Variants in BLTP1 observed in about 807,000 individuals in gnomAD.
The protein encoded by BLTP1 is fragile site-associated protein.
the BLTP1 span, chr4:122,347,397 A>G: frequency 7.4e-7 from 1 of 1,349,812 alleles, no homozygotes; most frequent in South Asian, 1.5e-5. Context: ...TACAGCTGCT[A>G]AATAGAGAAC....
At chr4:122,362,256 T>G in the BLTP1 span, 1 of 1,606,224 alleles carries the variant, frequency 6.2e-7, no homozygotes, top group Non-Finnish European at 8.5e-7. Context: ...AAAAAAGTAA[T>G]TTGATCTGTG....
the BLTP1 span, among the ~76,000 whole-genome samples, chr4:122,278,461 T>C: frequency 2.6e-5 from 4 of 152,338 alleles, no homozygotes; most frequent in Admixed American, 2.6e-4. Flanking sequence ...ACAAGAGGAA[T>C]GAGCGAGAGC....
At chr4:122,220,979 G>C in the BLTP1 span, 2 of 482,424 alleles carry the variant, frequency 4.1e-6, no homozygotes, top group African/African-American at 4.2e-5. Context: ...ATTTGAAAAT[G>C]TATTACATTT....
chr4:122,179,754 A>C, the BLTP1 span: 60 of 747,244 alleles, frequency 8.0e-5, no homozygotes, highest in African/African-American at 1.1e-3. Context: ...ACATTTTCAA[A>C]GATGAGCACA....
the BLTP1 span, among the ~76,000 whole-genome samples, chr4:122,177,731 C>T: frequency 6.6e-6 from 1 of 152,066 alleles, no homozygotes; most frequent in Non-Finnish European, 1.5e-5. Context: ...GTATTCATTC[C>T]CTTATTTGCT....
the BLTP1 span, chr4:122,203,791 A>G: frequency 1.9e-6 from 1 of 516,714 alleles, no homozygotes; most frequent in Non-Finnish European, 2.5e-6. Flanking sequence ...ATTAAAGAAA[A>G]AAACTAACAC....
At chr4:122,174,498 G>T in the BLTP1 span, 86 of 1,570,678 alleles carry the variant, frequency 5.5e-5, no homozygotes, top group Non-Finnish European at 7.3e-5. Context: ...TAGTGCTAAT[G>T]TTATTTTAAA....
the BLTP1 span, chr4:122,210,848 C>T: frequency 5.6e-6 from 9 of 1,597,844 alleles, no homozygotes; most frequent in African/African-American, 1.1e-4. Context: ...TGTCCCCCAC[C>T]CCTCAAACAT....
At chr4:122,296,311 T>A in the BLTP1 span, among the ~76,000 whole-genome samples, 1 of 152,134 alleles carries the variant, frequency 6.6e-6, no homozygotes, top group East Asian at 1.9e-4. Flanking sequence ...TGAACTCCCA[T>A]TCACAATCAC....
At chr4:122,274,946 C>T in the BLTP1 span, among the ~76,000 whole-genome samples, 2 of 152,056 alleles carry the variant, frequency 1.3e-5, no homozygotes, top group Admixed American at 1.3e-4. Flanking sequence ...ATTAATGGGC[C>T]ATAGCTTTCT....
the BLTP1 span, among the ~76,000 whole-genome samples, chr4:122,165,193 G>T: frequency 2.0e-5 from 3 of 151,794 alleles, no homozygotes; most frequent in Non-Finnish European, 4.4e-5. Flanking sequence ...TTAACATTAG[G>T]TATATCTCCT....
At chr4:122,277,383 C>T in the BLTP1 span, 1 of 887,118 alleles carries the variant, frequency 1.1e-6, no homozygotes, top group East Asian at 1.2e-4. Flanking sequence ...GTGTCAAACA[C>T]TACTTCATTA....
the BLTP1 span, among the ~76,000 whole-genome samples, chr4:122,324,742 C>CT: frequency 6.6e-6 from 1 of 151,964 alleles, no homozygotes; most frequent in Admixed American, 6.6e-5. Flanking sequence ...GCGGTAAGTG[C>CT]TTTTTAGTAA....
chr4:122,194,128 C>T, the BLTP1 span, among the ~76,000 whole-genome samples: 1 of 152,192 alleles, frequency 6.6e-6, no homozygotes, highest in Non-Finnish European at 1.5e-5. Flanking sequence ...TCTCAAAGTG[C>T]TGGGATTACA....
At chr4:122,210,958 T>C in the BLTP1 span, 1 of 1,613,584 alleles carries the variant, frequency 6.2e-7, no homozygotes, top group South Asian at 1.1e-5. Context: ...AGTTGTTTCT[T>C]CTCCCTCTAC....
At chr4:122,331,118 C>T in the BLTP1 span, 34 of 952,594 alleles carry the variant, frequency 3.6e-5, no homozygotes, top group Non-Finnish European at 4.1e-5. Context: ...TGTCTGTGTC[C>T]TCATCACCTA....
the BLTP1 span, chr4:122,234,765 C>T: frequency 1.2e-5 from 19 of 1,542,034 alleles, no homozygotes; most frequent in South Asian, 4.9e-5. Context: ...CTTTTGGGGT[C>T]GGTTTAGGTT....
chr4:122,243,122 G>A, the BLTP1 span: 1 of 1,503,334 alleles, frequency 6.7e-7, no homozygotes, highest in Non-Finnish European at 9.2e-7. Flanking sequence ...GAGATGGGTA[G>A]AGTTTATTCT....
chr4:122,317,750 G>A, the BLTP1 span, among the ~76,000 whole-genome samples: 3 of 151,620 alleles, frequency 2.0e-5, no homozygotes, highest in African/African-American at 7.3e-5. Context: ...ACATTTTCCT[G>A]TTGACTTACA....
Sources: allele counts gnomAD v4.1 joint callset (sites outside exome capture counted in the v4.1 genomes callset), GRCh38; gene constraint gnomAD v4.1.1; transcripts MANE v1.5; gene names NCBI Gene and HGNC (gene_info 2026-07-23, HGNC 2026-07-21).